The following CLMN variants were observed in gnomAD, a reference collection of about 807,000 sequenced individuals.
CLMN encodes calmin (calponin-like, transmembrane).
In CLMN, 57 loss-of-function variants were observed where a neutral mutation model predicts 92.7. The ratio of observed to expected loss-of-function variants is 0.61; its 90% CI spans 0.50 to 0.77. The LOEUF (loss-of-function observed/expected upper bound fraction) is 0.77, where lower values mean the gene tolerates loss of function less well. Ranked by LOEUF, CLMN falls within the 30% of genes least tolerant of loss-of-function variation. The probability of loss-of-function intolerance (pLI) is 0.00; values close to 1 mark genes in which losing one functional copy is unlikely to be tolerated. For missense variants in CLMN, 1,158 were observed against 1,237.5 expected (o/e 0.94, Z 0.96); for synonymous variants, 466 against 470.6 (o/e 0.99, Z 0.13).
intron 1 of CLMN, among the ~76,000 whole-genome samples, chr14:95,274,109 T>A (rs567998191): frequency 6.6e-6 from 1 of 152,202 alleles, no homozygotes; most frequent in African/African-American, 2.4e-5. Flanking sequence ...GATTTCTATA[T>A]TTCTCAGCTA....
At chr14:95,307,015 G>A (rs771849379) in intron 1 of CLMN, among the ~76,000 whole-genome samples, 4 of 152,154 alleles carry the variant, frequency 2.6e-5, no homozygotes, top group Non-Finnish European at 5.9e-5. Flanking sequence ...CCAGGGAAAG[G>A]GGCTGGGGTC....
At chr14:95,263,221 T>G (rs1465940676) in intron 1 of CLMN, among the ~76,000 whole-genome samples, 4 of 152,138 alleles carry the variant, frequency 2.6e-5, no homozygotes, top group Admixed American at 2.6e-4. Context: ...AAATACGTCC[T>G]CTTCACGTGG....
intron 1 of CLMN, among the ~76,000 whole-genome samples, chr14:95,239,483 T>A (rs535521377): frequency 6.6e-6 from 1 of 152,362 alleles, no homozygotes; most frequent in Admixed American, 6.5e-5. Flanking sequence ...CTAAACTCTC[T>A]GTTGAGAACC....
intron 1 of CLMN, among the ~76,000 whole-genome samples, chr14:95,279,439 C>T (rs950117705): frequency 1.3e-5 from 2 of 152,202 alleles, no homozygotes; most frequent in Non-Finnish European, 2.9e-5. Flanking sequence ...AGAGTTAAAC[C>T]TTATCTGCAC....
At chr14:95,222,619 C>T in intron 3 of CLMN, 1 of 455,932 alleles carries the variant, frequency 2.2e-6, no homozygotes, top group Non-Finnish European at 4.4e-6. Context: ...AAGTGGGGAG[C>T]CTCTGTGCTG....
chr14:95,293,358 C>CTCCCTCCCTCCTTCCT lies in CLMN; in HGVS notation c.82+26337_82+26352dup, dbSNP rs374875489. Among the ~76,000 whole-genome samples the CTCCCTCCCTCCTTCCT allele has an allele frequency of 3.8e-3, 278 of 72,902 alleles. 3 individuals carry two copies. The highest frequency in any genetic ancestry group is 0.016 in the African/African-American group (247 of 15,928). The allele number at this position is 72,902 out of a possible 152,430, so 47.8% of individuals were successfully genotyped here. Reference sequence around the variant, plus strand: ...CTTCCCTCCCTCCCTCCTTCTTTTCCTCCCTCCCTCCTTCCTTCCCTCCCT... The same window carrying CTCCCTCCCTCCTTCCT: ...CTTCCCTCCCTCCCTCCTTCTTTTCCTCCCTCCCTCCTTCCTTCCCTCCCTCCTTCCTTCCCTCCCT... On this transcript the variant is annotated intron_variant, in intron 1 of 12. Transcript: ENST00000298912.
intron 1 of CLMN, among the ~76,000 whole-genome samples, chr14:95,252,706 G>A (rs1170465282): frequency 2.0e-4 from 31 of 152,164 alleles, no homozygotes; most frequent in Admixed American, 2.0e-3. Flanking sequence ...CCTGGAGACT[G>A]AGTTCAACCA....
intron 1 of CLMN, among the ~76,000 whole-genome samples, chr14:95,269,913 C>T (rs1899639041): frequency 6.6e-6 from 1 of 151,296 alleles, no homozygotes; most frequent in South Asian, 2.1e-4. Flanking sequence ...GGTGCCTGTC[C>T]CTGCATGCCC....
At position 95,185,229 on chromosome 14, in the gene CLMN, T is replaced by C. The variant is rs1896414918; in HGVS notation, c.*6335A>G. On this transcript the variant is annotated 3_prime_UTR_variant, in exon 13 of 13. Transcript: ENST00000298912. The stretch of plus-strand genomic sequence containing the variant: ...GCAAAGTCTGTGCACCGGGCTCACT[T>C]CCATGAGCTGCTGACTGCTGTTTTC... The C allele has an allele frequency of 1.3e-5, 2 of 152,266 alleles. No individual in the cohort carries two copies. Among genetic ancestry groups the C allele is most frequent in the African/African-American group, 2.4e-5 (1 of 41,444 alleles). The allele number at this position is 152,266 out of a possible 1,614,324, so 9.4% of individuals were successfully genotyped here.
chr14:95,293,135 C>T (rs113751812), intron 1 of CLMN, among the ~76,000 whole-genome samples: 7 of 118,864 alleles, frequency 5.9e-5, no homozygotes, highest in Non-Finnish European at 8.9e-5. Flanking sequence ...TTCCCTCCCT[C>T]CTTCCCTCCC....
chr14:95,205,676 A>T (rs1479937927), intron 8 of CLMN, among the ~76,000 whole-genome samples: 1 of 152,110 alleles, frequency 6.6e-6, no homozygotes, highest in Non-Finnish European at 1.5e-5. Flanking sequence ...GTAAAATTAT[A>T]TATGTGATAT....
chr14:95,240,150 G>A (rs541146996), intron 1 of CLMN, among the ~76,000 whole-genome samples: 2 of 152,322 alleles, frequency 1.3e-5, no homozygotes, highest in African/African-American at 4.8e-5. Flanking sequence ...CAACAAAATC[G>A]CCTAACAGTG....
chr14:95,298,002 C>A (rs1900882647), intron 1 of CLMN, among the ~76,000 whole-genome samples: 1 of 152,210 alleles, frequency 6.6e-6, no homozygotes, highest in Non-Finnish European at 1.5e-5. Context: ...CTTTCCGGAG[C>A]AGCTGTACCA....
chr14:95,270,650 T>C (rs573281981), intron 1 of CLMN, among the ~76,000 whole-genome samples: 56 of 149,920 alleles, frequency 3.7e-4, no homozygotes, highest in African/African-American at 1.3e-3. Flanking sequence ...TCCTTTCTTT[T>C]TATTGCAGAT....
rs1408387592 is a variant in CLMN at position 95,203,839 on chromosome 14, G to A, written c.1510C>T (p.Gln504Ter). 4 of 1,614,058 alleles carry A rather than the reference G, an allele frequency of 2.5e-6. No homozygotes were observed. Among genetic ancestry groups the A allele is most frequent in the African/African-American group, 1.3e-5 (1 of 74,930 alleles). ...FLVEGTNNNS[Q>*]SSSCNGALES... ...AAAGCACCATTACAGGAAGAAGACT[G>A]AGAATTATTGTTTGTGCCCTCCACC... is the stretch of plus-strand genomic sequence containing the variant. Residue 504 changes from glutamine to a stop codon, truncating the protein, a stop_gained, in exon 9 of 13, where the codon CAG becomes TAG. Coordinates refer to ENST00000298912, the MANE Select transcript of CLMN (RefSeq NM_024734.4). LOFTEE classifies it high-confidence loss of function.
chr14:95,207,831 A>G (rs964763383), intron 8 of CLMN, among the ~76,000 whole-genome samples: 1 of 152,148 alleles, frequency 6.6e-6, no homozygotes, highest in African/African-American at 2.4e-5. Context: ...CACGGCATGG[A>G]GGATCCTGGG....
chr14:95,290,352 G>GC (rs1473608303), intron 1 of CLMN, among the ~76,000 whole-genome samples: 1 of 152,230 alleles, frequency 6.6e-6, no homozygotes, highest in Non-Finnish European at 1.5e-5. Context: ...AACAGACTTT[G>GC]CAGATGTGTT....
chr14:95,224,526 G>A lies in CLMN; in HGVS notation c.145-671C>T, dbSNP rs184097951. Among the ~76,000 whole-genome samples, 231 of 152,144 alleles carry A rather than the reference G, an allele frequency of 1.5e-3. 1 individual carries two copies. The highest frequency in any genetic ancestry group is 4.7e-3 in the African/African-American group (194 of 41,524). On this transcript the variant is annotated intron_variant, in intron 2 of 12. Transcript: ENST00000298912. ...TCGAACTCCTGACCTCAGGTGATCC[G>A]CCCGCCTCGGCCTCCCAAAGTGCTG...
In CLMN at chr14:95,215,683, A is replaced by T. The variant is rs755875174; in HGVS notation, c.375T>A (p.Ser125=). ...TGTTCCATATCAGCCCAAGAACCAA[A>T]GAAGGGTTGCCATCTGCTATTTCTG... The part of the protein sequence containing the change: ...DAAEIADGNP[S]LVLGLIWNII... The change falls in exon 5 of 13, where the codon TCT becomes TCA. Residue 125 remains serine (S), a synonymous_variant. Transcript: ENST00000298912. The T allele has an allele frequency of 1.2e-6, 2 of 1,614,222 alleles. No individual in the cohort carries two copies. The highest frequency in any genetic ancestry group is 3.3e-5 in the Admixed American group (2 of 60,034).
Sources: gnomAD v4.1 joint callset for allele counts (sites outside exome capture counted in the v4.1 genomes callset) on GRCh38, gnomAD v4.1.1 for gene constraint, MANE v1.5 for transcripts, NCBI Gene and HGNC (gene_info 2026-07-23, HGNC 2026-07-21) for gene names.